Variants in MIA2 observed in about 807,000 individuals in gnomAD.
MIA2 encodes melanoma inhibitory activity protein 2.
A neutral mutation model predicts 167.8 loss-of-function variants in MIA2; 127 were observed. The ratio of observed to expected loss-of-function variants is 0.76; its 90% CI spans 0.66 to 0.88. The LOEUF (loss-of-function observed/expected upper bound fraction) is 0.88, where lower values mean the gene tolerates loss of function less well. Among genes scored for constraint, MIA2 ranks in the 40% least tolerant of loss-of-function variants. The pLI is 0.00. For synonymous variants in MIA2, 552 were observed against 541.9 expected (o/e 1.02, Z -0.26); for missense variants, 1,690 against 1,624.7 (o/e 1.04, Z -0.69).
At position 39,248,079 on chromosome 14, in the gene MIA2, T is replaced by C. The variant is rs1422504093; in HGVS notation, c.1505T>C (p.Ile502Thr). Residue 502 changes from isoleucine to threonine, a missense_variant, in exon 4 of 29, where the codon ATT becomes ACT. Physicochemically the swap from Ile to Thr is moderately conservative, Grantham distance 89. Transcript: ENST00000640607. The stretch of plus-strand genomic sequence containing the variant: ...AATGAAGAAACTGGAGAATTTTCCA[T>C]TGATAATTATCCCACAGATAATACA... Reference protein sequence around the residue: ...IENEETGEFSIDNYPTDNTKV... With the variant: ...IENEETGEFSTDNYPTDNTKV... The C allele has an allele frequency of 2.6e-6, 4 of 1,565,100 alleles. No homozygotes were observed. The highest frequency in any genetic ancestry group is 3.4e-6 in the Non-Finnish European group (4 of 1,163,052).
exon 24 of MIA2, chr14:39,386,980 C>T (rs1407902553): frequency 3.0e-5 from 23 of 768,966 alleles, no homozygotes; most frequent in South Asian, 2.4e-4. Context: ...ATGAGACTAA[C>T]GAGATCTGTG....
chr14:39,311,191 A>G (rs909601870), intron 18 of MIA2, among the ~76,000 whole-genome samples: 6 of 152,150 alleles, frequency 3.9e-5, no homozygotes, highest in African/African-American at 1.4e-4. Flanking sequence ...AAATTATTTT[A>G]AATTCCTAAA....
intron 18 of MIA2, among the ~76,000 whole-genome samples, chr14:39,309,668 T>C (rs2063889571): frequency 6.6e-6 from 1 of 152,176 alleles, no homozygotes; most frequent in African/African-American, 2.4e-5. Context: ...CTCTGATTGA[T>C]TGCTTTTCTT....
intron 6 of MIA2, among the ~76,000 whole-genome samples, chr14:39,271,839 A>T (rs527886495): frequency 2.2e-4 from 34 of 152,034 alleles, no homozygotes; most frequent in African/African-American, 5.3e-4. Context: ...CGGACCCCAG[A>T]GAGTGAGTGG....
At chr14:39,380,270 A>G (rs1025895660) in intron 23 of MIA2, among the ~76,000 whole-genome samples, 102 of 152,002 alleles carry the variant, frequency 6.7e-4, no homozygotes, top group African/African-American at 2.3e-3. Flanking sequence ...GAAAACAGAG[A>G]GACACAATAA....
At chr14:39,362,924 C>T (rs1283474956) in intron 23 of MIA2, among the ~76,000 whole-genome samples, 1 of 152,070 alleles carries the variant, frequency 6.6e-6, no homozygotes, top group Non-Finnish European at 1.5e-5. Flanking sequence ...TTCTTAATTT[C>T]TACTTTGTCC....
In MIA2 at chr14:39,314,742, G is replaced by T; in HGVS notation, c.3123G>T (p.Lys1041Asn). The T allele has an allele frequency of 6.2e-7, 1 of 1,603,546 alleles. No individual in the cohort carries two copies. The highest frequency in any genetic ancestry group is 1.7e-5 in the Admixed American group (1 of 59,286). ...HATEELETYR[K>N]RAKDLEEELE... ...AATAATTATTCGTTCCATTTAGAAA[G>T]CGAGCCAAAGATCTTGAAGAAGAAT... Residue 1041 changes from lysine (K) to asparagine (N), a missense_variant, in exon 20 of 29, where the codon AAG becomes AAT. By Grantham distance (94) the Lys-to-Asn change is moderately conservative. Coordinates refer to ENST00000640607, the MANE Select transcript of MIA2 (RefSeq NM_001329214.4).
intron 23 of MIA2, chr14:39,385,901 C>T: frequency 1.1e-6 from 1 of 885,498 alleles, no homozygotes; most frequent in East Asian, 2.4e-5. Context: ...AAAAGGTTAT[C>T]TCCTCTACCC....
At chr14:39,354,427 A>G (rs1028423415), downstream of MIA2, among the ~76,000 whole-genome samples, 1 of 152,060 alleles carries the variant, frequency 6.6e-6, no homozygotes, top group Admixed American at 6.6e-5. Context: ...TTTCTCGTAA[A>G]TTTGTTTGAG....
chr14:39,285,297 G>A (rs2059464913), intron 9 of MIA2, among the ~76,000 whole-genome samples: 1 of 152,096 alleles, frequency 6.6e-6, no homozygotes, highest in Non-Finnish European at 1.5e-5. Flanking sequence ...TGGCTGGGCA[G>A]AAGGGCTCCT....
chr14:39,295,145 A>G, intron 13 of MIA2, 116 bp downstream of exon 13: 1 of 722,782 alleles, frequency 1.4e-6, no homozygotes, highest in Non-Finnish European at 2.5e-6. Flanking sequence ...AGAGCATGAG[A>G]GCAGGACAGT....
At chr14:39,291,798 A>G (rs955175870) in intron 10 of MIA2, among the ~76,000 whole-genome samples, 2 of 152,158 alleles carry the variant, frequency 1.3e-5, no homozygotes, top group Non-Finnish European at 2.9e-5. Context: ...GTAATTTGTA[A>G]TTTAGCTAAA....
At chr14:39,314,640 A>T in intron 19 of MIA2, 99 bp from the exon 20 acceptor site, 8 of 324,810 alleles carry the variant, frequency 2.5e-5, no homozygotes, top group East Asian at 6.6e-5. Context: ...CATGAAGTAG[A>T]GCATTCTGGG....
At chr14:39,298,969 G>GTCT (rs982898376) in intron 13 of MIA2, among the ~76,000 whole-genome samples, 60 of 143,780 alleles carry the variant, frequency 4.2e-4, no homozygotes, top group African/African-American at 1.5e-3. Flanking sequence ...TGTGCTTGTA[G>GTCT]TCTAGTTGCT....
At chr14:39,288,474 TA>T (rs61705371) in intron 9 of MIA2, among the ~76,000 whole-genome samples, 219 of 56,470 alleles carry the variant, frequency 3.9e-3, no homozygotes, top group South Asian at 6.0e-3. Context: ...TATATATATA[TA>T]TTTTTTTTTT....
intron 4 of MIA2, among the ~76,000 whole-genome samples, chr14:39,251,196 A>G (rs2054555468): frequency 6.6e-6 from 1 of 152,188 alleles, no homozygotes; most frequent in Non-Finnish European, 1.5e-5. Context: ...CCACATTTAT[A>G]GAAAACTAAC....
intron 23 of MIA2, among the ~76,000 whole-genome samples, chr14:39,385,048 T>C (rs2075247570): frequency 6.6e-6 from 1 of 152,188 alleles, no homozygotes; most frequent in Non-Finnish European, 1.5e-5. Context: ...TTAAAACTTA[T>C]TAAGACAAGA....
chr14:39,356,900 C>T (rs1239177622), intron 23 of MIA2, among the ~76,000 whole-genome samples: 1 of 152,186 alleles, frequency 6.6e-6, no homozygotes, highest in African/African-American at 2.4e-5. Context: ...AGTTTGATTG[C>T]ACTGTGGTCT....
intron 2 of MIA2, among the ~76,000 whole-genome samples, chr14:39,238,601 C>G (rs1566583009): frequency 6.6e-6 from 1 of 151,788 alleles, no homozygotes; most frequent in Non-Finnish European, 1.5e-5. Context: ...TTGAGACCAG[C>G]TTGGACAACA....
Sources: gnomAD v4.1 joint callset for allele counts (sites outside exome capture counted in the v4.1 genomes callset) on GRCh38, gnomAD v4.1.1 for gene constraint, MANE v1.5 for transcripts, NCBI Gene and HGNC (gene_info 2026-07-23, HGNC 2026-07-21) for gene names.